The following ANKH variants were observed in gnomAD, a reference collection of about 807,000 sequenced individuals.
ANKH encodes mineralization regulator ANKH.
ANKH carries 15 observed loss-of-function variants against 49.0 expected under a neutral mutation model. The observed-to-expected ratio is 0.31, with a 90% CI of 0.20 to 0.47. The LOEUF (loss-of-function observed/expected upper bound fraction) is 0.47, where lower values mean the gene tolerates loss of function less well. Among genes scored for constraint, ANKH ranks in the 20% least tolerant of loss-of-function variants. The pLI, the probability that ANKH is intolerant of heterozygous loss-of-function variation, is 1.00. For synonymous variants in ANKH, 273 were observed against 260.0 expected, an observed-to-expected ratio of 1.05 and a Z score of -0.48; for missense variants, 429 against 652.0, an observed-to-expected ratio of 0.66 and a Z score of 3.72.
At chr5:14,840,719 T>C (rs1004757966) in intron 1 of ANKH, among the ~76,000 whole-genome samples, 4 of 152,234 alleles carry the variant, frequency 2.6e-5, no homozygotes, top group Non-Finnish European at 5.9e-5. Context: ...AAAATTCTAC[T>C]GACACATCAG....
At chr5:14,779,063 C>T (rs1739726100) in intron 1 of ANKH, among the ~76,000 whole-genome samples, 1 of 152,140 alleles carries the variant, frequency 6.6e-6, no homozygotes, top group African/African-American at 2.4e-5. Context: ...CAGGTAGAAA[C>T]TAAATTTCTT....
intron 1 of ANKH, among the ~76,000 whole-genome samples, chr5:14,858,730 TAA>T (rs1460266888): frequency 1.0e-5 from 1 of 95,912 alleles, no homozygotes; most frequent in Non-Finnish European, 2.2e-5. Context: ...AATAAATAAA[TAA>T]ATAAATAAAT....
Position 14,713,797 on chromosome 5 carries a change from G to T in ANKH, c.1142-130C>A. On this transcript the variant is annotated intron_variant, in intron 9 of 11. Coordinates refer to ENST00000284268, the MANE Select transcript of ANKH (RefSeq NM_054027.6). The surrounding 1 kb of genome is among the most constrained non-coding windows in gnomAD (Gnocchi z 4.4). Reference sequence around the variant, plus strand: ...ACCCTGGCCTTGCTGTTGAGCCGCTGGCCACCTCATCTTCCTGCCAGGGTT... The same window carrying T: ...ACCCTGGCCTTGCTGTTGAGCCGCTTGCCACCTCATCTTCCTGCCAGGGTT... 7.5e-7 allele frequency: 1 copy of T among 1,329,932 alleles called. No individual in the cohort carries two copies. Among genetic ancestry groups the T allele is most frequent in the Non-Finnish European group, 1.1e-6 (1 of 937,388 alleles). The allele number at this position is 1,329,932 out of a possible 1,614,324, so 82.4% of individuals were successfully genotyped here.
intron 8 of ANKH, among the ~76,000 whole-genome samples, chr5:14,728,990 TGGA>T (rs2126442810): frequency 6.6e-6 from 1 of 151,858 alleles, no homozygotes; most frequent in East Asian, 1.9e-4. Context: ...GAAATGGGAG[TGGA>T]GGAGCCCATC....
rs1455162529 is a variant in ANKH at position 14,709,802 on chromosome 5, C to T, written c.*1395G>A. The T allele has an allele frequency of 6.6e-6, 1 of 152,596 alleles. No individual in the cohort carries two copies. The highest frequency in any genetic ancestry group is 2.4e-5 in the African/African-American group (1 of 41,426). 9.5% of individuals were successfully genotyped at this position (152,596 alleles called of 1,614,324 possible). ...TTCAACTGCAGGTATGTTGAGCACA[C>T]AAGCAATCACCGTATTGTATTAGAG... On this transcript the variant is annotated 3_prime_UTR_variant, in exon 12 of 12. Coordinates refer to ENST00000284268, the MANE Select transcript of ANKH (RefSeq NM_054027.6).
intron 2 of ANKH, among the ~76,000 whole-genome samples, chr5:14,760,215 T>C (rs1252863139): frequency 6.6e-6 from 1 of 152,110 alleles, no homozygotes; most frequent in Non-Finnish European, 1.5e-5. Flanking sequence ...AGAGAGGGCA[T>C]GTCACGTGGC....
intron 1 of ANKH, among the ~76,000 whole-genome samples, chr5:14,868,212 T>A (rs894887884): frequency 2.0e-5 from 3 of 152,176 alleles, no homozygotes; most frequent in Admixed American, 6.5e-5. Context: ...TGGAATCTTA[T>A]ACATAGCTGG....
chr5:14,760,903 C>T (rs1287990407), intron 2 of ANKH, among the ~76,000 whole-genome samples: 3 of 152,198 alleles, frequency 2.0e-5, no homozygotes, highest in Non-Finnish European at 4.4e-5. Flanking sequence ...TGTTGAAATC[C>T]TAACCCCTGG....
chr5:14,782,258 A>C (rs1739830905), intron 1 of ANKH, among the ~76,000 whole-genome samples: 1 of 152,156 alleles, frequency 6.6e-6, no homozygotes, highest in Non-Finnish European at 1.5e-5. Context: ...GCACTGACTG[A>C]GTGCTCACCC....
chr5:14,854,516 C>T (rs1742203062), intron 1 of ANKH, among the ~76,000 whole-genome samples: 1 of 151,932 alleles, frequency 6.6e-6, no homozygotes, highest in Non-Finnish European at 1.5e-5. Flanking sequence ...CCAGTCTCTA[C>T]AAAACAAAAA....
intron 1 of ANKH, among the ~76,000 whole-genome samples, chr5:14,851,797 T>G (rs1008896483): frequency 6.6e-6 from 1 of 152,232 alleles, no homozygotes; most frequent in African/African-American, 2.4e-5. Context: ...TTCCCCAAAT[T>G]CTCATTTAAA....
chr5:14,806,598 G>A (rs895107898), intron 1 of ANKH, among the ~76,000 whole-genome samples: 2 of 152,158 alleles, frequency 1.3e-5, no homozygotes, highest in Admixed American at 1.3e-4. Context: ...CCTGCTCAAA[G>A]GGCAGGGGTG....
intron 7 of ANKH, among the ~76,000 whole-genome samples, chr5:14,744,776 C>T (rs976669753): frequency 2.0e-5 from 3 of 152,208 alleles, no homozygotes; most frequent in Non-Finnish European, 4.4e-5. Flanking sequence ...CCGCAGGCCT[C>T]GCCCCTCTCA....
intron 7 of ANKH, among the ~76,000 whole-genome samples, chr5:14,744,478 A>G (rs915709739): frequency 4.6e-5 from 7 of 152,220 alleles, no homozygotes; most frequent in African/African-American, 1.7e-4. Context: ...GAGACAGGTG[A>G]TAGAGACAGG....
Position 14,725,584 on chromosome 5 carries a change from C to T in ANKH, c.1012-8749G>A, listed in dbSNP as rs1737798697. ...GCACCGGCACACCAAATGTGATCCA[C>T]GGATGTCACCTGTGAGTATTCCAGA... On this transcript the variant is annotated intron_variant, in intron 8 of 11. Transcript: ENST00000284268. The surrounding 1 kb of genome is among the most constrained non-coding windows in gnomAD (Gnocchi z 4.0). 6.6e-6 allele frequency among the ~76,000 whole-genome samples: 1 copy of T among 152,184 alleles called. No homozygotes were observed. Among genetic ancestry groups the T allele is most frequent in the Non-Finnish European group, 1.5e-5 (1 of 68,032 alleles).
chr5:14,819,125 G>T (rs940269980), intron 1 of ANKH, among the ~76,000 whole-genome samples: 1 of 152,166 alleles, frequency 6.6e-6, no homozygotes, highest in Admixed American at 6.5e-5. Flanking sequence ...TGGCACTGTG[G>T]TCCACTGTCC....
At position 14,746,486 on chromosome 5, in the gene ANKH, G is replaced by A. The variant is rs377711423; in HGVS notation, c.823-524C>T. Among the ~76,000 whole-genome samples, 30 of 152,206 alleles carry A rather than the reference G, an allele frequency of 2.0e-4. 1 individual carries two copies. The East Asian group carries it at 2.7e-3, about 14-fold the overall frequency. On this transcript the variant is annotated intron_variant, in intron 6 of 11. Transcript: ENST00000284268. ...TGAGCCAGTTTAATGATCTGCGTGG[G>A]GCCAGCTGATCCATCAAGTGCAGGA...
chr5:14,786,436 G>T (rs1328094479), intron 1 of ANKH, among the ~76,000 whole-genome samples: 1 of 152,090 alleles, frequency 6.6e-6, no homozygotes, highest in Non-Finnish European at 1.5e-5. Context: ...TTTGGACCTG[G>T]GCAAAATGAG....
At chr5:14,786,060 A>T (rs1324835960) in intron 1 of ANKH, among the ~76,000 whole-genome samples, 2 of 150,030 alleles carry the variant, frequency 1.3e-5, no homozygotes, top group Non-Finnish European at 2.9e-5. Context: ...AAAAAAAAAA[A>T]AAAAAAAAGT....
Sources: gnomAD v4.1 joint callset for allele counts (sites outside exome capture counted in the v4.1 genomes callset) on GRCh38, gnomAD v4.1.1 for gene constraint, Gnocchi (gnomAD v3.1) non-coding constraint, MANE v1.5 for transcripts, NCBI Gene and HGNC (gene_info 2026-07-23, HGNC 2026-07-21) for gene names.